The following HS6ST3 variants were observed in gnomAD, a reference collection of about 807,000 sequenced individuals.
The protein encoded by HS6ST3 is heparan sulfate 6-O-sulfotransferase 3, also known as heparan-sulfate 6-O-sulfotransferase 3.
HS6ST3 carries 12 observed loss-of-function variants against 36.7 expected under a neutral mutation model. The observed-to-expected ratio is 0.33, with a 90% CI of 0.21 to 0.53. The LOEUF is 0.53. Among genes scored for constraint, HS6ST3 ranks in the 20% least tolerant of loss-of-function variants. HS6ST3 has a pLI of 0.95. For missense variants in HS6ST3, 584 were observed against 640.9 expected (o/e 0.91, Z 0.96); for synonymous variants, 240 against 257.5 (o/e 0.93, Z 0.65).
intron 1 of HS6ST3, among the ~76,000 whole-genome samples, chr13:96,429,335 A>G (rs1418011572): frequency 2.0e-5 from 3 of 152,214 alleles, no homozygotes; most frequent in African/African-American, 7.2e-5. Context: ...TGAACATTGG[A>G]TTGAAGTTAG....
intron 1 of HS6ST3, among the ~76,000 whole-genome samples, chr13:96,230,046 G>T (rs1452311188): frequency 6.6e-6 from 1 of 152,168 alleles, no homozygotes; most frequent in Non-Finnish European, 1.5e-5. Flanking sequence ...AGCATGGGAG[G>T]AACATGTTGA....
At chr13:96,378,864 CAA>C (rs974520452) in intron 1 of HS6ST3, among the ~76,000 whole-genome samples, 10 of 152,176 alleles carry the variant, frequency 6.6e-5, no homozygotes, top group African/African-American at 2.2e-4. Flanking sequence ...CTGGGTTTCA[CAA>C]ACTTGATGAA....
At chr13:96,142,912 A>G (rs922154477) in intron 1 of HS6ST3, among the ~76,000 whole-genome samples, 1 of 152,152 alleles carries the variant, frequency 6.6e-6, no homozygotes, top group South Asian at 2.1e-4. Context: ...TTAAAAAAAG[A>G]TATTTCAGAG....
At chr13:96,497,988 A>G (rs1001397399) in intron 1 of HS6ST3, among the ~76,000 whole-genome samples, 3 of 152,204 alleles carry the variant, frequency 2.0e-5, no homozygotes, top group African/African-American at 4.8e-5. Flanking sequence ...CCACCATGCA[A>G]TGGAATACAG....
At chr13:96,822,686 T>C (rs1436179404) in intron 1 of HS6ST3, among the ~76,000 whole-genome samples, 2 of 152,218 alleles carry the variant, frequency 1.3e-5, no homozygotes, top group Non-Finnish European at 2.9e-5. Context: ...AGCCTCTTCT[T>C]TGATGCTTTT....
chr13:96,559,090 CTAT>C (rs2056252049), intron 1 of HS6ST3, among the ~76,000 whole-genome samples: 2 of 146,558 alleles, frequency 1.4e-5, no homozygotes, highest in Non-Finnish European at 3.0e-5. Context: ...ATCTATCTAT[CTAT>C]CTATCTATCT....
At chr13:96,786,132 T>C (rs1566453453) in intron 1 of HS6ST3, among the ~76,000 whole-genome samples, 1 of 152,160 alleles carries the variant, frequency 6.6e-6, no homozygotes. Context: ...TGGAACACAC[T>C]GGACCCTTTC....
chr13:96,393,811 A>G (rs2139453308), intron 1 of HS6ST3, among the ~76,000 whole-genome samples: 1 of 152,284 alleles, frequency 6.6e-6, no homozygotes, highest in South Asian at 2.1e-4. Context: ...ATTAGCTGTG[A>G]ACTTCCAAGT....
At chr13:96,620,881 C>T (rs933468469) in intron 1 of HS6ST3, among the ~76,000 whole-genome samples, 9 of 152,132 alleles carry the variant, frequency 5.9e-5, no homozygotes, top group African/African-American at 2.2e-4. Flanking sequence ...CCTTCACTGG[C>T]TACAAACTAA....
chr13:96,310,667 G>GCCTATCTCCCTCCCTC (rs2054936306), intron 1 of HS6ST3, among the ~76,000 whole-genome samples: 1 of 95,960 alleles, frequency 1.0e-5, no homozygotes, highest in Non-Finnish European at 1.9e-5. Context: ...CTCCCTCCCT[G>GCCTATCTCCCTCCCTC]CCTATCTCCC....
intron 1 of HS6ST3, among the ~76,000 whole-genome samples, chr13:96,696,921 CT>C (rs1346123320): frequency 6.6e-6 from 1 of 152,096 alleles, no homozygotes; most frequent in African/African-American, 2.4e-5. Context: ...CTCAGGCAGT[CT>C]GTTTTCTCAT....
At chr13:96,677,519 G>T (rs1364111051) in intron 1 of HS6ST3, among the ~76,000 whole-genome samples, 2 of 151,974 alleles carry the variant, frequency 1.3e-5, no homozygotes, top group Non-Finnish European at 2.9e-5. Context: ...ACATACATAT[G>T]TTATATATGC....
At chr13:96,219,403 T>G (rs1430385966) in intron 1 of HS6ST3, among the ~76,000 whole-genome samples, 1 of 152,164 alleles carries the variant, frequency 6.6e-6, no homozygotes, top group Non-Finnish European at 1.5e-5. Flanking sequence ...CATAATTCCC[T>G]TGTTAAATGC....
intron 1 of HS6ST3, among the ~76,000 whole-genome samples, chr13:96,787,358 A>G (rs934845231): frequency 2.0e-5 from 3 of 152,148 alleles, no homozygotes; most frequent in African/African-American, 4.8e-5. Context: ...CCTATCAGCA[A>G]TATATGAAAA....
intron 1 of HS6ST3, among the ~76,000 whole-genome samples, chr13:96,119,984 AT>A (rs2053917739): frequency 6.6e-6 from 1 of 152,170 alleles, no homozygotes. Flanking sequence ...GTACTTCAGA[AT>A]GTGACCTTAT....
intron 1 of HS6ST3, among the ~76,000 whole-genome samples, chr13:96,558,434 G>A (rs1012718841): frequency 6.6e-6 from 1 of 152,160 alleles, no homozygotes; most frequent in Non-Finnish European, 1.5e-5. Flanking sequence ...CTTGCCCTAA[G>A]TCTCACAGCA....
chr13:96,288,980 A>G (rs963305212), intron 1 of HS6ST3, among the ~76,000 whole-genome samples: 2 of 152,076 alleles, frequency 1.3e-5, no homozygotes, highest in African/African-American at 4.8e-5. Context: ...ATTATAAGAG[A>G]AATATTCAAG....
intron 1 of HS6ST3, among the ~76,000 whole-genome samples, chr13:96,737,228 G>T (rs1315379904): frequency 2.0e-5 from 3 of 152,126 alleles, no homozygotes; most frequent in Admixed American, 2.0e-4. Context: ...AGACTATTTT[G>T]CTCAGTTTTA....
At chr13:96,831,964 A>AAAAAAAC (rs1878799363) in intron 1 of HS6ST3, among the ~76,000 whole-genome samples, 1 of 145,606 alleles carries the variant, frequency 6.9e-6, no homozygotes, top group Non-Finnish European at 1.5e-5. Flanking sequence ...CAAAAAAAAA[A>AAAAAAAC]AAAAAAAAAA....
Sources: allele counts gnomAD v4.1 joint callset (sites outside exome capture counted in the v4.1 genomes callset), GRCh38; gene constraint gnomAD v4.1.1; transcripts MANE v1.5; gene names NCBI Gene and HGNC (gene_info 2026-07-23, HGNC 2026-07-21).